UNC5D: variants seen among roughly 807,000 people sequenced by gnomAD.
UNC5D encodes the protein netrin receptor UNC5D.
Under a neutral mutation model 105.4 loss-of-function variants are expected in UNC5D, and 39 were observed. That is an observed-to-expected ratio of 0.37 (90% confidence interval 0.29 to 0.48). The LOEUF (loss-of-function observed/expected upper bound fraction) is 0.48, where lower values mean the gene tolerates loss of function less well. Among genes scored for constraint, UNC5D ranks in the 20% least tolerant of loss-of-function variants. The pLI is 0.98. For synonymous variants in UNC5D, 452 were observed against 450.4 expected, an observed-to-expected ratio of 1.00 and a Z score of -0.04; for missense variants, 991 against 1,202.4, an observed-to-expected ratio of 0.82 and a Z score of 2.60.
At chr8:35,280,555 G>A (rs1230351422) in intron 1 of UNC5D, among the ~76,000 whole-genome samples, 1 of 152,154 alleles carries the variant, frequency 6.6e-6, no homozygotes, top group Admixed American at 6.6e-5. Context: ...TGTTGGTGGG[G>A]TCGTTAATAA....
chr8:35,733,701 G>A (rs749297252), intron 11 of UNC5D, among the ~76,000 whole-genome samples: 2 of 152,150 alleles, frequency 1.3e-5, no homozygotes, highest in Non-Finnish European at 2.9e-5. Context: ...TGTTGCCCAT[G>A]TCTGAGTTAC....
intron 14 of UNC5D, among the ~76,000 whole-genome samples, chr8:35,763,044 C>T (rs894430565): frequency 6.6e-6 from 1 of 152,158 alleles, no homozygotes; most frequent in Non-Finnish European, 1.5e-5. Context: ...TCAGAGAGCT[C>T]GTTGGTGTTT....
At chr8:35,654,623 G>GT (rs1358061267) in intron 4 of UNC5D, among the ~76,000 whole-genome samples, 15 of 150,640 alleles carry the variant, frequency 1.0e-4, no homozygotes, top group South Asian at 4.2e-4. Flanking sequence ...AAAGTTGTTG[G>GT]TTTTTTTTTC....
intron 4 of UNC5D, among the ~76,000 whole-genome samples, chr8:35,651,763 T>G (rs1165878762): frequency 6.6e-6 from 1 of 152,176 alleles, no homozygotes; most frequent in Non-Finnish European, 1.5e-5. Flanking sequence ...GAAACTACAC[T>G]CTTCTGGGTC....
chr8:35,748,907 G>T (rs2131635050), intron 12 of UNC5D, among the ~76,000 whole-genome samples: 1 of 152,178 alleles, frequency 6.6e-6, no homozygotes, highest in Middle Eastern at 3.4e-3. Flanking sequence ...ATCCAGATTT[G>T]TTTGGTTTTA....
At chr8:35,765,546 A>G (rs918045877) in intron 14 of UNC5D, among the ~76,000 whole-genome samples, 2 of 152,166 alleles carry the variant, frequency 1.3e-5, no homozygotes, top group African/African-American at 4.8e-5. Context: ...CCTCTCTTCA[A>G]GTTCACAACA....
chr8:35,676,350 A>T lies in UNC5D; in HGVS notation c.571-7197A>T, dbSNP rs1026043872. On this transcript the variant is annotated intron_variant, in intron 4 of 16. Coordinates refer to ENST00000404895, the MANE Select transcript of UNC5D (RefSeq NM_080872.4). Reference sequence around the variant, plus strand: ...TGCATGTTCTGAACTGGGATTATCTATGTGAACCAAATAAGTAGAAACCAG... The same window carrying T: ...TGCATGTTCTGAACTGGGATTATCTTTGTGAACCAAATAAGTAGAAACCAG... 2.0e-5 allele frequency among the ~76,000 whole-genome samples: 3 copies of T among 152,282 alleles called. No homozygotes were observed. The South Asian group carries it at 6.2e-4, about 32-fold the overall frequency.
At chr8:35,525,864 A>T in intron 1 of UNC5D, 2 of 1,238,724 alleles carry the variant, frequency 1.6e-6, no homozygotes, top group Non-Finnish European at 1.1e-6. Context: ...AGTAAAATCC[A>T]GTTTAGCTAT....
chr8:35,289,389 A>G (rs184106458), intron 1 of UNC5D, among the ~76,000 whole-genome samples: 1 of 152,348 alleles, frequency 6.6e-6, no homozygotes, highest in East Asian at 1.9e-4. Flanking sequence ...AGGGACAGAT[A>G]GATTGCAATA....
intron 1 of UNC5D, among the ~76,000 whole-genome samples, chr8:35,549,048 G>A (rs1184969774): frequency 7.9e-5 from 12 of 152,170 alleles, no homozygotes; most frequent in East Asian, 3.9e-4. Context: ...AATTTGAGGC[G>A]TGTCCTATTC....
chr8:35,600,902 A>G (rs1819832074), intron 4 of UNC5D, among the ~76,000 whole-genome samples: 1 of 152,058 alleles, frequency 6.6e-6, no homozygotes, highest in Admixed American at 6.6e-5. Flanking sequence ...GGTATTGCCT[A>G]GGTTTTCTTC....
chr8:35,249,653 T>A (rs1330652587), intron 1 of UNC5D, among the ~76,000 whole-genome samples: 1 of 151,802 alleles, frequency 6.6e-6, no homozygotes, highest in African/African-American at 2.4e-5. Flanking sequence ...GTTCTGAGTT[T>A]CTTTTAAAGT....
chr8:35,528,068 T>C (rs1298524782), intron 1 of UNC5D, among the ~76,000 whole-genome samples: 1 of 148,814 alleles, frequency 6.7e-6, no homozygotes, highest in African/African-American at 2.5e-5. Context: ...TTTTATACTT[T>C]AAGTTTTAGG....
intron 4 of UNC5D, among the ~76,000 whole-genome samples, chr8:35,641,371 A>AAAAAAAAAAAAAAAAAAAAAAAAAAAC (rs1822715650): frequency 6.7e-6 from 1 of 150,110 alleles, no homozygotes; most frequent in African/African-American, 2.4e-5. Context: ...TAAAGCAAAA[A>AAAAAAAAAAAAAAAAAAAAAAAAAAAC]AAAAAAAAAA....
chr8:35,665,366 T>G (rs1824357990), intron 4 of UNC5D, among the ~76,000 whole-genome samples: 1 of 152,172 alleles, frequency 6.6e-6, no homozygotes, highest in Non-Finnish European at 1.5e-5. Context: ...AATGGCTTCT[T>G]AATGCCTTCA....
chr8:35,310,727 A>G (rs1165832508), intron 1 of UNC5D, among the ~76,000 whole-genome samples: 1 of 152,106 alleles, frequency 6.6e-6, no homozygotes, highest in East Asian at 1.9e-4. Context: ...CTGACCTTTC[A>G]TCTGTGTGTC....
chr8:35,262,550 C>T (rs1429516116), intron 1 of UNC5D, among the ~76,000 whole-genome samples: 1 of 152,136 alleles, frequency 6.6e-6, no homozygotes, highest in Non-Finnish European at 1.5e-5. Context: ...CAGTAGGAAA[C>T]AGACTTTCAC....
At chr8:35,300,477 A>G (rs1216577369) in intron 1 of UNC5D, among the ~76,000 whole-genome samples, 20 of 111,052 alleles carry the variant, frequency 1.8e-4, no homozygotes, top group Non-Finnish European at 3.5e-4. Context: ...AAAAAAAAAA[A>G]AAAAAAAAAA....
At chr8:35,338,692 T>C (rs889057586) in intron 1 of UNC5D, among the ~76,000 whole-genome samples, 14 of 152,296 alleles carry the variant, frequency 9.2e-5, no homozygotes, top group African/African-American at 3.1e-4. Context: ...CCTGGCTCAC[T>C]TTTAGACACA....
Sources: allele counts gnomAD v4.1 joint callset (sites outside exome capture counted in the v4.1 genomes callset), GRCh38; gene constraint gnomAD v4.1.1; transcripts MANE v1.5; gene names NCBI Gene and HGNC (gene_info 2026-07-23, HGNC 2026-07-21).